Variants in DSG2 observed in about 807,000 individuals in gnomAD.
DSG2 encodes desmoglein-2.
In DSG2, 45 loss-of-function variants were observed where a neutral mutation model predicts 75.6. The ratio of observed to expected loss-of-function variants is 0.60; its 90% CI spans 0.47 to 0.76. The LOEUF (loss-of-function observed/expected upper bound fraction) is 0.76, where lower values mean the gene tolerates loss of function less well. Ranked by LOEUF, DSG2 falls within the 30% of genes least tolerant of loss-of-function variation. The pLI is 0.00. For synonymous variants in DSG2, 429 were observed against 483.9 expected, an observed-to-expected ratio of 0.89 and a Z score of 1.49; for missense variants, 1,267 against 1,357.4, an observed-to-expected ratio of 0.93 and a Z score of 1.05.
At chr18:31,516,858 C>T (rs537824149) in intron 1 of DSG2, among the ~76,000 whole-genome samples, 2 of 152,296 alleles carry the variant, frequency 1.3e-5, no homozygotes, top group Non-Finnish European at 2.9e-5. Flanking sequence ...GAGTGGCAGG[C>T]AGCAGTCTGC....
intron 1 of DSG2, among the ~76,000 whole-genome samples, chr18:31,509,820 A>G (rs1402897905): frequency 2.0e-5 from 3 of 152,220 alleles, no homozygotes; most frequent in African/African-American, 4.8e-5. Flanking sequence ...GGACGCTACT[A>G]CAGACCAGAC....
chr18:31,534,756 C>T (rs1057438515), intron 9 of DSG2, among the ~76,000 whole-genome samples: 9 of 152,050 alleles, frequency 5.9e-5, no homozygotes, highest in Non-Finnish European at 1.0e-4. Context: ...GTGATCCACC[C>T]GCCTCAGCCT....
At chr18:31,528,651 T>C (rs1598815193) in intron 8 of DSG2, among the ~76,000 whole-genome samples, 1 of 148,392 alleles carries the variant, frequency 6.7e-6, no homozygotes, top group Admixed American at 6.9e-5. Context: ...CAGAGGTTGC[T>C]GTGAGCCAGC....
chr18:31,526,706 T>A (rs1029547527), intron 8 of DSG2, among the ~76,000 whole-genome samples: 1 of 152,204 alleles, frequency 6.6e-6, no homozygotes, highest in East Asian at 1.9e-4. Flanking sequence ...AGAATTGTCA[T>A]GTGCCACATA....
intron 9 of DSG2, among the ~76,000 whole-genome samples, chr18:31,532,767 T>A (rs62095224): frequency 0.015 from 2,216 of 152,276 alleles, 40 homozygotes; most frequent in African/African-American, 0.044. Flanking sequence ...TTTACAAAAT[T>A]GAGCATGAAT....
chr18:31,537,368 C>T (rs2073237019), intron 11 of DSG2, among the ~76,000 whole-genome samples: 1 of 152,120 alleles, frequency 6.6e-6, no homozygotes, highest in South Asian at 2.1e-4. Flanking sequence ...GCCTGTAATC[C>T]CAGCACTTTG....
chr18:31,524,807 A>G lies in DSG2; in HGVS notation c.933A>G (p.Thr311=). The G allele has an allele frequency of 6.2e-7, 1 of 1,614,234 alleles. No individual in the cohort carries two copies. The highest frequency in any genetic ancestry group is 8.5e-7 in the Non-Finnish European group (1 of 1,180,040). Residue 311 remains threonine, a synonymous_variant, in exon 8 of 15, where the codon ACA becomes ACG. Coordinates refer to ENST00000261590, the MANE Select transcript of DSG2 (RefSeq NM_001943.5). ...IGSDNWLANF[T]FASGNEGGYF... ...CTGATAATTGGCTGGCAAATTTTAC[A>G]TTTGCATCAGGAAATGAAGGAGGTT...
intron 12 of DSG2, 46 bp from the exon 13 acceptor site, chr18:31,541,147 T>TA: frequency 6.2e-7 from 1 of 1,613,466 alleles, no homozygotes; most frequent in Non-Finnish European, 8.5e-7. Flanking sequence ...AATTTAGAAA[T>TA]ATATCAAGGT....
In DSG2 at chr18:31,504,963, T is replaced by C. The variant is rs192759538; in HGVS notation, c.45+6667T>C. On this transcript the variant is annotated intron_variant, in intron 1 of 14. Transcript: ENST00000261590. Reference sequence around the variant, plus strand: ...TATCTCATTGCCATTCCCCTGATACTGTTCCTCATTCCATCTCCCTGACTT... The same window carrying C: ...TATCTCATTGCCATTCCCCTGATACCGTTCCTCATTCCATCTCCCTGACTT... 2.4e-3 allele frequency among the ~76,000 whole-genome samples: 358 copies of C among 152,318 alleles called. 1 individual carries two copies. The highest frequency in any genetic ancestry group is 4.6e-3 in the Non-Finnish European group (311 of 68,018).
In DSG2 at chr18:31,547,459, C is replaced by T. The variant is rs2073321994; in HGVS notation, c.*716C>T. The stretch of plus-strand genomic sequence containing the variant: ...TGGGAGGCCGAGGCGGGTGGATCAA[C>T]TGTGGTCAGGAGTTTGAGATCAGCC... On this transcript the variant is annotated 3_prime_UTR_variant, in exon 15 of 15. Coordinates refer to ENST00000261590, the MANE Select transcript of DSG2 (RefSeq NM_001943.5). The T allele has an allele frequency of 6.5e-6, 1 of 152,698 alleles. No homozygotes were observed. The highest frequency in any genetic ancestry group is 2.4e-5 in the African/African-American group (1 of 41,402). 9.5% of individuals were successfully genotyped at this position (152,698 alleles called of 1,614,324 possible).
rs1156468696 is a variant in DSG2 at position 31,546,099 on chromosome 18, G to C, written c.2713G>C (p.Glu905Gln). The change falls in exon 15 of 15, where the codon GAA becomes CAA. Residue 905 changes from glutamate to glutamine, a missense_variant. Transcript: ENST00000261590. Reference protein sequence around the residue: ...QEANAEKVTQEIVTERSVSSR... With the variant: ...QEANAEKVTQQIVTERSVSSR... The stretch of plus-strand genomic sequence containing the variant: ...AGCCAATGCAGAGAAAGTAACTCAG[G>C]AAATAGTCACTGAAAGATCTGTGTC... 6.2e-7 allele frequency: 1 copy of C among 1,614,164 alleles called. No homozygotes were observed. The highest frequency in any genetic ancestry group is 1.1e-5 in the South Asian group (1 of 91,080).
intron 14 of DSG2, 90 bp from the exon 15 acceptor site, chr18:31,545,631 G>A: frequency 6.9e-7 from 1 of 1,444,570 alleles, no homozygotes; most frequent in Non-Finnish European, 9.5e-7. Context: ...ACTGCATTTT[G>A]AACAGGAATA....
chr18:31,522,126 C>T lies in DSG2; in HGVS notation c.567C>T (p.Pro189=), dbSNP rs745574525. ...TCAATGCAACAGATGCAGATGAGCC[C>T]AATACCCTGAATTCGAAAATTTCCT... ...MKINATDADE[P]NTLNSKISYR... is the part of the protein sequence containing the mutation. The change falls in exon 6 of 15, where the codon CCC becomes CCT. Residue 189 remains proline (P), a synonymous_variant. Transcript: ENST00000261590. 5 of 1,613,800 alleles carry T rather than the reference C, an allele frequency of 3.1e-6. No individual in the cohort carries two copies. The highest frequency in any genetic ancestry group is 1.3e-5 in the African/African-American group (1 of 75,022).
rs540814333 is a variant in DSG2 at position 31,511,723 on chromosome 18, A to G, written c.46-6516A>G. Among the ~76,000 whole-genome samples, 91 of 152,342 alleles carry G rather than the reference A, an allele frequency of 6.0e-4. No individual in the cohort carries two copies. The Middle Eastern group carries it at 0.014, about 23-fold the overall frequency. On this transcript the variant is annotated intron_variant, in intron 1 of 14. Transcript: ENST00000261590. ...AACCTTGACTTTAAGATGCACATCAATTCTTCTGATGTTTTAGTGTAACAT... is the reference window on the plus strand; with the variant it reads ...AACCTTGACTTTAAGATGCACATCAGTTCTTCTGATGTTTTAGTGTAACAT...
intron 9 of DSG2, among the ~76,000 whole-genome samples, chr18:31,532,317 A>C (rs1053706539): frequency 2.0e-5 from 3 of 152,026 alleles, no homozygotes; most frequent in Non-Finnish European, 4.4e-5. Context: ...CTTTTTTAAG[A>C]GCACTAATTC....
intron 1 of DSG2, among the ~76,000 whole-genome samples, chr18:31,516,584 G>A (rs1568103804): frequency 6.6e-6 from 1 of 152,224 alleles, no homozygotes; most frequent in Admixed American, 6.5e-5. Flanking sequence ...ATGCCTCACA[G>A]CAGGTGTCAA....
intron 8 of DSG2, among the ~76,000 whole-genome samples, chr18:31,527,172 G>A (rs753417354): frequency 1.3e-5 from 2 of 152,118 alleles, no homozygotes; most frequent in Admixed American, 1.3e-4. Flanking sequence ...GTTTAAGCAT[G>A]TTTAAGTACA....
chr18:31,536,573 A>G lies in DSG2; in HGVS notation c.1651+144A>G, dbSNP rs1430495820. The G allele has an allele frequency of 4.8e-6, 4 of 826,540 alleles. No individual in the cohort carries two copies. In the African/African-American group the frequency reaches 5.2e-5, roughly 11 times the overall value. The allele number at this position is 826,540 out of a possible 1,614,324, so 51.2% of individuals were successfully genotyped here. On this transcript the variant is annotated intron_variant, in intron 11 of 14. Transcript: ENST00000261590. The stretch of plus-strand genomic sequence containing the variant: ...ATGAAATGAGGTCCTGAACCTACTG[A>G]CATATAGTATCTTTTATATGCTTAT...
intron 10 of DSG2, 151 bp from the exon 11 acceptor site, chr18:31,536,051 T>G (rs892856326): frequency 1.4e-6 from 1 of 707,194 alleles, no homozygotes; most frequent in Non-Finnish European, 2.4e-6. Flanking sequence ...TTAAAAGATA[T>G]TACTTGGTCC....
Sources: allele counts gnomAD v4.1 joint callset (sites outside exome capture counted in the v4.1 genomes callset), GRCh38; gene constraint gnomAD v4.1.1; transcripts MANE v1.5; gene names NCBI Gene and HGNC (gene_info 2026-07-23, HGNC 2026-07-21).